The following EPG5 variants were observed in gnomAD, a reference collection of about 807,000 sequenced individuals.
The protein encoded by EPG5 is ectopic P-granules 5 autophagy tethering factor.
In EPG5, 159 loss-of-function variants were observed where a neutral mutation model predicts 302.7. That is an observed-to-expected ratio of 0.53 (90% CI 0.46 to 0.60). The LOEUF is 0.60. EPG5 is among the 20% of genes least tolerant of loss of function. The pLI is 0.00. For synonymous variants in EPG5, 1,158 were observed against 1,136.8 expected, an observed-to-expected ratio of 1.02 and a Z score of -0.37; for missense variants, 2,896 against 3,092.4, an observed-to-expected ratio of 0.94 and a Z score of 1.51.
chr18:45,915,934 C>T (rs890758190), intron 19 of EPG5, 75 bp downstream of exon 19: 1 of 1,334,132 alleles, frequency 7.5e-7, no homozygotes, highest in Non-Finnish European at 1.0e-6. Context: ...GAAAACTGTA[C>T]TTGGGGGAAT....
chr18:45,885,237 G>C (rs1005334799), intron 29 of EPG5, among the ~76,000 whole-genome samples: 1 of 152,102 alleles, frequency 6.6e-6, no homozygotes, highest in African/African-American at 2.4e-5. Context: ...TACTTAGGAG[G>C]CTGAGACAGG....
intron 39 of EPG5, among the ~76,000 whole-genome samples, chr18:45,861,610 G>GT (rs1372030818): frequency 6.6e-6 from 1 of 152,176 alleles, no homozygotes; most frequent in Admixed American, 6.5e-5. Context: ...CTTGCTGATA[G>GT]TTTTTTTCCA....
intron 15 of EPG5, among the ~76,000 whole-genome samples, chr18:45,922,967 G>T (rs2050191072): frequency 1.3e-5 from 2 of 152,174 alleles, no homozygotes; most frequent in South Asian, 4.1e-4. Flanking sequence ...GCTACCAATG[G>T]TTTAATAACC....
At chr18:45,908,709 G>A (rs977890589) in intron 23 of EPG5, among the ~76,000 whole-genome samples, 5 of 152,170 alleles carry the variant, frequency 3.3e-5, no homozygotes, top group Non-Finnish European at 5.9e-5. Flanking sequence ...CCAGTACTTT[G>A]GAAGGCCAAG....
At chr18:45,931,438 A>T (rs1002299358) in intron 11 of EPG5, among the ~76,000 whole-genome samples, 4 of 152,268 alleles carry the variant, frequency 2.6e-5, no homozygotes, top group Admixed American at 2.6e-4. Flanking sequence ...TTGTAAAAGC[A>T]ATACTAAATT....
chr18:45,927,035 CTTTT>C (rs372779886), intron 13 of EPG5, among the ~76,000 whole-genome samples: 2 of 138,036 alleles, frequency 1.4e-5, no homozygotes. Flanking sequence ...TTTTTCTTTT[CTTTT>C]TTTTTTTTTT....
chr18:45,879,319 A>G, intron 32 of EPG5, 105 bp from the exon 33 acceptor site: 1 of 736,450 alleles, frequency 1.4e-6, no homozygotes, highest in South Asian at 1.8e-5. Context: ...TGACTTTATA[A>G]GAGAGTGGCA....
chr18:45,864,782 G>A (rs2048710826), intron 39 of EPG5, among the ~76,000 whole-genome samples: 1 of 152,208 alleles, frequency 6.6e-6, no homozygotes, highest in Non-Finnish European at 1.5e-5. Context: ...TAGGTAGTCT[G>A]AATTCTTGCT....
At position 45,879,167 on chromosome 18, in the gene EPG5, C is replaced by T; in HGVS notation, c.5715G>A (p.Arg1905=). The T allele has an allele frequency of 6.2e-7, 1 of 1,613,858 alleles. No homozygotes were observed. Among genetic ancestry groups the T allele is most frequent in the South Asian group, 1.1e-5 (1 of 91,042 alleles). ...QWLSDFFYKL[R]LSKMDFKSFG... Reference sequence around the variant, plus strand: ...AGCTTTTAAAGTCCATCTTGGATAACCGAAGCTTATAAAAAAAGTCTGAAA... The same window carrying T: ...AGCTTTTAAAGTCCATCTTGGATAATCGAAGCTTATAAAAAAAGTCTGAAA... The change falls in exon 33 of 44, where the codon CGG becomes CGA. Residue 1905 remains arginine, a synonymous_variant. Coordinates refer to ENST00000282041, the MANE Select transcript of EPG5 (RefSeq NM_020964.3).
chr18:45,942,587 G>A (rs969099189), intron 9 of EPG5, among the ~76,000 whole-genome samples: 4 of 152,150 alleles, frequency 2.6e-5, no homozygotes, highest in Non-Finnish European at 5.9e-5. Flanking sequence ...CTGGGCAAAA[G>A]AGCGAGACTC....
chr18:45,816,288 G>T, the EPG5 span, among the ~76,000 whole-genome samples: 1 of 152,026 alleles, frequency 6.6e-6, no homozygotes, highest in African/African-American at 2.4e-5. Flanking sequence ...AAATAGCTTG[G>T]ACTTAATTAA....
intron 32 of EPG5, among the ~76,000 whole-genome samples, chr18:45,879,521 C>T (rs1363619843): frequency 2.6e-5 from 4 of 152,134 alleles, no homozygotes; most frequent in African/African-American, 9.7e-5. Context: ...GCGTGCACCA[C>T]CATGCCCAGC....
At chr18:45,887,659 T>A in intron 29 of EPG5, 92 bp downstream of exon 29, 1 of 1,132,530 alleles carries the variant, frequency 8.8e-7, no homozygotes, top group Non-Finnish European at 1.2e-6. Flanking sequence ...ACCTGTAATA[T>A]AAGTCTGAAG....
intron 24 of EPG5, among the ~76,000 whole-genome samples, chr18:45,907,687 C>T (rs773616820): frequency 6.6e-6 from 1 of 151,940 alleles, no homozygotes; most frequent in Non-Finnish European, 1.5e-5. Context: ...AAAAAATATA[C>T]AGTCAGAGGA....
At chr18:45,964,245 A>G (rs973367217) in intron 1 of EPG5, among the ~76,000 whole-genome samples, 1 of 152,240 alleles carries the variant, frequency 6.6e-6, no homozygotes, top group Non-Finnish European at 1.5e-5. Flanking sequence ...TTTTTAAAGC[A>G]TCTGTAACAT....
chr18:45,887,893 G>A lies in EPG5; in HGVS notation c.4967C>T (p.Ala1656Val). 1.3e-6 allele frequency: 2 copies of A among 1,579,200 alleles called. No individual in the cohort carries two copies. The highest frequency in any genetic ancestry group is 2.3e-5 in the South Asian group (2 of 87,802). Residue 1656 changes from alanine (A) to valine (V), a missense_variant, in exon 29 of 44, where the codon GCC becomes GTC. Coordinates refer to ENST00000282041, the MANE Select transcript of EPG5 (RefSeq NM_020964.3). ...CCCAGGTGTAGGCTGCAACTTGTAG[G>A]CATTCACTAAGGCCCTGTGGGAAAA... ...AENLITALVNAYKLQPTPGIQ... is the reference protein window; with the variant it reads ...AENLITALVNVYKLQPTPGIQ...
the EPG5 span, among the ~76,000 whole-genome samples, chr18:45,800,602 T>C: frequency 1.3e-5 from 2 of 152,212 alleles, no homozygotes; most frequent in Non-Finnish European, 2.9e-5. Flanking sequence ...GCTGGTTTTA[T>C]TGATCGATAA....
chr18:45,923,351 C>T lies in EPG5; in HGVS notation c.2755G>A (p.Val919Met). The T allele has an allele frequency of 1.2e-6, 2 of 1,613,982 alleles. No homozygotes were observed. The highest frequency in any genetic ancestry group is 2.2e-5 in the South Asian group (2 of 91,088). The change falls in exon 15 of 44, where the codon GTG (valine) becomes ATG (methionine). Residue 919 changes from valine (V) to methionine (M), a missense_variant. Physicochemically the swap from Val to Met is conservative, Grantham distance 21. Coordinates refer to ENST00000282041, the MANE Select transcript of EPG5 (RefSeq NM_020964.3). ...TAAGCTTCAAGAACCATTAAAGCCA[C>T]TTCAGCATGGACTGCTTGATCCAGA... is the stretch of plus-strand genomic sequence containing the variant. ...LHLDQAVHAEVALMVLEAYQK... is the reference protein window; with the variant it reads ...LHLDQAVHAEMALMVLEAYQK...
chr18:45,944,097 CA>C lies in EPG5; in HGVS notation c.1699del (p.Trp567GlyfsTer13), dbSNP rs1408245639. 3 of 1,612,860 alleles carry C rather than the reference CA, an allele frequency of 1.9e-6. No individual in the cohort carries two copies. Among genetic ancestry groups the C allele is most frequent in the Non-Finnish European group, 2.5e-6 (3 of 1,178,970 alleles). ...GEEDEDPETS[W>X]ILLNEDDLVT... ...CAAATCATCTTCATTAAGGAGAATC[CA>C]ACTGGTCTCAGGGTCTTCATCCTAA... On this transcript the variant is annotated frameshift_variant, in exon 8 of 44. Transcript: ENST00000282041. LOFTEE classifies it high-confidence loss of function.
Sources: gnomAD v4.1 joint callset for allele counts (sites outside exome capture counted in the v4.1 genomes callset) on GRCh38, gnomAD v4.1.1 for gene constraint, MANE v1.5 for transcripts, NCBI Gene and HGNC (gene_info 2026-07-23, HGNC 2026-07-21) for gene names.